Variants in DNMBP observed in about 807,000 individuals in gnomAD.
DNMBP encodes dynamin-binding protein.
Under a neutral mutation model 150.0 loss-of-function variants are expected in DNMBP, and 87 were observed. The ratio of observed to expected loss-of-function variants is 0.58; its 90% CI spans 0.49 to 0.69. The LOEUF is 0.69. Ranked by LOEUF, DNMBP falls within the 30% of genes least tolerant of loss-of-function variation. DNMBP has a pLI of 0.00. For missense variants in DNMBP, 1,774 were observed against 1,949.0 expected, an observed-to-expected ratio of 0.91 and a Z score of 1.69; for synonymous variants, 711 against 750.4, an observed-to-expected ratio of 0.95 and a Z score of 0.86.
At chr10:99,924,430 G>A (rs142899811) in intron 4 of DNMBP, among the ~76,000 whole-genome samples, 1 of 152,324 alleles carries the variant, frequency 6.6e-6, no homozygotes, top group Non-Finnish European at 1.5e-5. Context: ...GCGACAGAGC[G>A]AGACTCCGTC....
intron 4 of DNMBP, chr10:99,914,066 A>T: frequency 6.9e-7 from 1 of 1,444,228 alleles, no homozygotes; most frequent in Non-Finnish European, 9.1e-7. Context: ...TCCTTTGAAT[A>T]GGGTCGGCAT....
chr10:99,931,413 G>A (rs1202919166), intron 4 of DNMBP, among the ~76,000 whole-genome samples: 1 of 152,192 alleles, frequency 6.6e-6, no homozygotes, highest in African/African-American at 2.4e-5. Flanking sequence ...GCAAGCTGCT[G>A]AAGCTCCCAC....
chr10:99,908,588 T>C (rs1016158318), intron 5 of DNMBP, among the ~76,000 whole-genome samples: 8 of 152,192 alleles, frequency 5.3e-5, no homozygotes, highest in African/African-American at 1.9e-4. Flanking sequence ...ATAAACTCTA[T>C]ATGAACAGGT....
At chr10:99,986,929 C>T (rs973142083) in intron 1 of DNMBP, among the ~76,000 whole-genome samples, 12 of 149,970 alleles carry the variant, frequency 8.0e-5, no homozygotes, top group African/African-American at 1.5e-4. Context: ...CCGAGGCGGG[C>T]GGATCACGAG....
chr10:99,949,253 G>A (rs571007781), intron 4 of DNMBP, among the ~76,000 whole-genome samples: 64 of 152,248 alleles, frequency 4.2e-4, no homozygotes, highest in African/African-American at 1.5e-3. Context: ...TCCCTACTAT[G>A]TATAGAACAT....
At chr10:99,921,115 G>A (rs969187340) in intron 4 of DNMBP, among the ~76,000 whole-genome samples, 2 of 152,104 alleles carry the variant, frequency 1.3e-5, no homozygotes, top group African/African-American at 2.4e-5. Context: ...TCCTCTCAGC[G>A]AGCCCAGAGA....
At chr10:99,891,676 C>T (rs2039564091) in intron 11 of DNMBP, among the ~76,000 whole-genome samples, 2 of 150,494 alleles carry the variant, frequency 1.3e-5, no homozygotes, top group South Asian at 2.1e-4. Flanking sequence ...GCTGCCCAGT[C>T]TGGAAAGTGA....
At chr10:99,977,619 C>A (rs1223902744) in intron 1 of DNMBP, among the ~76,000 whole-genome samples, 1 of 152,090 alleles carries the variant, frequency 6.6e-6, no homozygotes, top group Non-Finnish European at 1.5e-5. Flanking sequence ...TTCTTCAAAC[C>A]CTTTTAGAAT....
At chr10:99,965,496 CT>C (rs35603478) in intron 3 of DNMBP, among the ~76,000 whole-genome samples, 400 of 134,380 alleles carry the variant, frequency 3.0e-3, no homozygotes, top group East Asian at 0.019. Context: ...ATCTCACATA[CT>C]TTTTTTTTTT....
At chr10:99,993,640 A>C (rs1395400078) in intron 1 of DNMBP, among the ~76,000 whole-genome samples, 2 of 152,082 alleles carry the variant, frequency 1.3e-5, no homozygotes, top group Non-Finnish European at 2.9e-5. Flanking sequence ...TCTCTACAAA[A>C]ATTTATTAAA....
Position 99,956,541 on chromosome 10 carries a change from C to A in DNMBP, c.933G>T (p.Leu311=), listed in dbSNP as rs2040498847. ...TCCTGGCAAGGCTGCCTTCCTGGGG[C>A]AGAGCCATGGTTTCCTCCACCCGTG... ...PDTRVEETMA[L]PQEGSLARIP... Residue 311 remains leucine, a synonymous_variant, in exon 4 of 17, where the codon CTG becomes CTT. Transcript: ENST00000324109. 1.2e-6 allele frequency: 2 copies of A among 1,614,008 alleles called. No homozygotes were observed. Among genetic ancestry groups the A allele is most frequent in the Non-Finnish European group, 8.5e-7 (1 of 1,180,010 alleles).
chr10:99,941,720 G>A (rs1368829001), intron 4 of DNMBP, among the ~76,000 whole-genome samples: 6 of 151,906 alleles, frequency 3.9e-5, no homozygotes, highest in Admixed American at 6.6e-5. Context: ...CGCCCGCCTT[G>A]GCCTCCCAAA....
At chr10:99,957,339 A>C in intron 3 of DNMBP, 134 bp from the exon 4 acceptor site, 1 of 756,824 alleles carries the variant, frequency 1.3e-6, no homozygotes. Flanking sequence ...AGGAGCATGA[A>C]CAATTTTGAC....
At chr10:99,916,912 G>A (rs1479182442) in intron 4 of DNMBP, among the ~76,000 whole-genome samples, 1 of 152,154 alleles carries the variant, frequency 6.6e-6, no homozygotes, top group Non-Finnish European at 1.5e-5. Flanking sequence ...TGAGGCAGAA[G>A]AATTGCTTAA....
At chr10:99,923,610 G>A (rs1435328099) in intron 4 of DNMBP, among the ~76,000 whole-genome samples, 1 of 151,976 alleles carries the variant, frequency 6.6e-6, no homozygotes, top group Admixed American at 6.6e-5. Flanking sequence ...GCCCAGCTCT[G>A]ATTTCTTCCT....
In DNMBP at chr10:99,964,118, C is replaced by T. The variant is rs114900567; in HGVS notation, c.268+4997G>A. ...TTGTTTCTCTCCTCTCTGTCTTTTCCTTGTCCTATTCTCTCTCTTTTTTTT... is the reference window on the plus strand; with the variant it reads ...TTGTTTCTCTCCTCTCTGTCTTTTCTTTGTCCTATTCTCTCTCTTTTTTTT... On this transcript the variant is annotated intron_variant, in intron 3 of 16. Coordinates refer to ENST00000324109, the MANE Select transcript of DNMBP (RefSeq NM_015221.4). Among the ~76,000 whole-genome samples, 1,047 of 148,468 alleles carry T rather than the reference C, an allele frequency of 7.1e-3. 13 individuals carry two copies. The highest frequency in any genetic ancestry group is 0.025 in the African/African-American group (1,003 of 40,148).
In DNMBP at chr10:99,886,308, G is replaced by A. The variant is rs2039462162; in HGVS notation, c.3610C>T (p.Leu1204=). The change falls in exon 13 of 17, where the codon CTG becomes TTG. Residue 1204 remains leucine, a synonymous_variant. Transcript: ENST00000324109. The stretch of plus-strand genomic sequence containing the variant: ...ACAGGTAAGAAACTCACCGAAAGCA[G>A]TGGCTTTAATTGCTCCAGAGCCTGG... ...VHQALEQLKP[L]LSLLKVAGRE... is the part of the protein sequence containing the mutation. 1 of 1,610,932 alleles carries A rather than the reference G, an allele frequency of 6.2e-7. No individual in the cohort carries two copies. The highest frequency in any genetic ancestry group is 8.5e-7 in the Non-Finnish European group (1 of 1,177,334).
At chr10:99,893,527 A>G (rs2039606470) in intron 11 of DNMBP, among the ~76,000 whole-genome samples, 1 of 152,240 alleles carries the variant, frequency 6.6e-6, no homozygotes, top group African/African-American at 2.4e-5. Flanking sequence ...TGAAGTCAAG[A>G]GATCGACACC....
chr10:99,938,050 C>A (rs1386404866), intron 4 of DNMBP, among the ~76,000 whole-genome samples: 1 of 152,158 alleles, frequency 6.6e-6, no homozygotes, highest in African/African-American at 2.4e-5. Flanking sequence ...GATTTCTCTG[C>A]CACTTTAAGT....
Sources: allele counts gnomAD v4.1 joint callset (sites outside exome capture counted in the v4.1 genomes callset), GRCh38; gene constraint gnomAD v4.1.1; transcripts MANE v1.5; gene names NCBI Gene and HGNC (gene_info 2026-07-23, HGNC 2026-07-21).